Variants in ADAMTSL1 observed in about 807,000 individuals in gnomAD.
The protein encoded by ADAMTSL1 is ADAMTS-like protein 1.
In ADAMTSL1, 126 loss-of-function variants were observed where a neutral mutation model predicts 201.8. The observed-to-expected ratio is 0.62, with a 90% CI of 0.54 to 0.72. The LOEUF is 0.72. Among genes scored for constraint, ADAMTSL1 ranks in the 30% least tolerant of loss-of-function variants. The pLI is 0.00. For synonymous variants in ADAMTSL1, 1,121 were observed against 903.4 expected, an observed-to-expected ratio of 1.24 and a Z score of -4.32; for missense variants, 2,679 against 2,277.8, an observed-to-expected ratio of 1.18 and a Z score of -3.59.
chr9:18,716,980 T>A (rs1832984109), intron 14 of ADAMTSL1, among the ~76,000 whole-genome samples: 1 of 131,958 alleles, frequency 7.6e-6, no homozygotes, highest in African/African-American at 2.6e-5. Flanking sequence ...CAGTAAACTA[T>A]CGCAAGAACA....
Position 18,032,809 on chromosome 9 carries a change from G to A in ADAMTSL1, c.87+125887G>A, listed in dbSNP as rs558532425. Among the ~76,000 whole-genome samples the A allele has an allele frequency of 3.3e-5, 5 of 152,236 alleles. No homozygotes were observed. The South Asian group carries it at 6.2e-4, about 19-fold the overall frequency. ...CACAGAAGTCTGTGGTGGAACTGTG[G>A]GTTTTTTGGAGTTCCTTTACTCATC... On this transcript the variant is annotated intron_variant, in intron 1 of 29. Transcript: ENST00000680146.
intron 2 of ADAMTSL1, among the ~76,000 whole-genome samples, chr9:18,189,363 C>G (rs1038598512): frequency 5.9e-5 from 9 of 152,130 alleles, no homozygotes; most frequent in Non-Finnish European, 1.0e-4. Context: ...CATTGTCATT[C>G]ACAAAGCAGC....
At chr9:18,071,127 A>C (rs1822944072) in intron 1 of ADAMTSL1, among the ~76,000 whole-genome samples, 2 of 152,224 alleles carry the variant, frequency 1.3e-5, no homozygotes, top group African/African-American at 4.8e-5. Context: ...GTCGGGGTTT[A>C]AGTTTTGAGA....
chr9:18,686,844 G>T (rs372104551), intron 13 of ADAMTSL1, among the ~76,000 whole-genome samples: 1 of 152,100 alleles, frequency 6.6e-6, no homozygotes, highest in African/African-American at 2.4e-5. Context: ...ATAGACCATC[G>T]TCAACCATAT....
intron 2 of ADAMTSL1, among the ~76,000 whole-genome samples, chr9:18,204,241 T>G (rs1022781722): frequency 2.6e-5 from 4 of 152,122 alleles, no homozygotes; most frequent in Non-Finnish European, 5.9e-5. Flanking sequence ...GTGGAGGTAA[T>G]TGGATCATGG....
intron 2 of ADAMTSL1, among the ~76,000 whole-genome samples, chr9:18,185,166 A>T: frequency 6.6e-6 from 1 of 152,144 alleles, no homozygotes; most frequent in Non-Finnish European, 1.5e-5. Context: ...GAGTGTGGGC[A>T]GAATCTGTGA....
chr9:18,405,735 A>G (rs1818164830), intron 2 of ADAMTSL1, among the ~76,000 whole-genome samples: 1 of 152,198 alleles, frequency 6.6e-6, no homozygotes, highest in Non-Finnish European at 1.5e-5. Flanking sequence ...ATTTTATACA[A>G]TAATATGTTA....
intron 7 of ADAMTSL1, 107 bp downstream of exon 7, chr9:18,639,518 C>G (rs1364884702): frequency 2.3e-6 from 3 of 1,306,518 alleles, no homozygotes; most frequent in Non-Finnish European, 3.1e-6. Flanking sequence ...TTTGGAAAGC[C>G]CGTTTGTTAC....
At chr9:18,564,281 TGCACTTCCCTGGTGAGGCGAC>T (rs1469149828) in intron 3 of ADAMTSL1, among the ~76,000 whole-genome samples, 6 of 152,180 alleles carry the variant, frequency 3.9e-5, no homozygotes, top group Non-Finnish European at 1.5e-5. Context: ...CTCAACCCGT[TGCACTTCCCTGGTGAGGCGAC>T]GCACCACCCT....
chr9:18,244,874 A>G (rs4246140), intron 2 of ADAMTSL1, among the ~76,000 whole-genome samples: 123,661 of 152,044 alleles, frequency 0.81, 50,567 homozygotes, highest in East Asian at 0.99. Context: ...CAGGAACTAC[A>G]TATACTCTAT....
At chr9:18,662,234 T>C (rs1829142070) in intron 9 of ADAMTSL1, among the ~76,000 whole-genome samples, 161 bp downstream of exon 9, 1 of 152,218 alleles carries the variant, frequency 6.6e-6, no homozygotes, top group Admixed American at 6.5e-5. Flanking sequence ...TTAGTACCCA[T>C]ACTCCTTGCT....
At chr9:18,877,538 G>T (rs892555103) in intron 23 of ADAMTSL1, among the ~76,000 whole-genome samples, 14 of 152,272 alleles carry the variant, frequency 9.2e-5, no homozygotes, top group African/African-American at 3.4e-4. Flanking sequence ...CTGGGCTTCT[G>T]GCTGGTACTG....
chr9:18,121,773 A>C (rs553694217), intron 1 of ADAMTSL1, among the ~76,000 whole-genome samples: 32 of 152,136 alleles, frequency 2.1e-4, no homozygotes, highest in Non-Finnish European at 3.5e-4. Flanking sequence ...TTACCATGCA[A>C]ACAGAAATTC....
chr9:18,736,649 A>G (rs1364840722), intron 15 of ADAMTSL1, among the ~76,000 whole-genome samples: 2 of 152,304 alleles, frequency 1.3e-5, no homozygotes, highest in East Asian at 1.9e-4. Context: ...TTTACCACAC[A>G]TGGTCTTACT....
chr9:18,614,444 G>A (rs1242822227), intron 4 of ADAMTSL1, among the ~76,000 whole-genome samples: 1 of 152,066 alleles, frequency 6.6e-6, no homozygotes, highest in African/African-American at 2.4e-5. Context: ...TTCTGTTTCA[G>A]GTTTATTTTT....
At chr9:18,222,077 A>C (rs1200260033) in intron 2 of ADAMTSL1, among the ~76,000 whole-genome samples, 1 of 151,970 alleles carries the variant, frequency 6.6e-6, no homozygotes, top group African/African-American at 2.4e-5. Flanking sequence ...ATTCTATTTT[A>C]TTCCATATTA....
chr9:18,434,798 G>C lies in ADAMTSL1; in HGVS notation c.208-70031G>C, dbSNP rs2133423013. On this transcript the variant is annotated intron_variant, in intron 2 of 29. Transcript: ENST00000680146. The stretch of plus-strand genomic sequence containing the variant: ...GAATCTACCTCTCCCATCTCATTTA[G>C]TACCCTTCCCCAGCTTGCTGGTATC... Among the ~76,000 whole-genome samples the C allele has an allele frequency of 2.0e-5, 3 of 152,236 alleles. 1 individual carries two copies. The South Asian group carries it at 6.2e-4, about 32-fold the overall frequency.
intron 23 of ADAMTSL1, among the ~76,000 whole-genome samples, chr9:18,850,907 A>G (rs1826451822): frequency 6.6e-6 from 1 of 152,268 alleles, no homozygotes; most frequent in Admixed American, 6.5e-5. Context: ...CCCAGCTCAC[A>G]GAACTAATTA....
At chr9:18,269,225 A>G (rs892561136) in intron 2 of ADAMTSL1, among the ~76,000 whole-genome samples, 1 of 152,150 alleles carries the variant, frequency 6.6e-6, no homozygotes, top group Non-Finnish European at 1.5e-5. Context: ...ATTTATATAC[A>G]TATCATTTCT....
Sources: gnomAD v4.1 joint callset for allele counts (sites outside exome capture counted in the v4.1 genomes callset) on GRCh38, gnomAD v4.1.1 for gene constraint, MANE v1.5 for transcripts, NCBI Gene and HGNC (gene_info 2026-07-23, HGNC 2026-07-21) for gene names.